NSD2: variants seen among roughly 807,000 people sequenced by gnomAD.
NSD2 encodes the protein histone-lysine N-methyltransferase NSD2.
A neutral mutation model predicts 139.0 loss-of-function variants in NSD2; 12 were observed. That is an observed-to-expected ratio of 0.09 (90% CI 0.06 to 0.14). The LOEUF (loss-of-function observed/expected upper bound fraction) is 0.14, where lower values mean the gene tolerates loss of function less well. Ranked by LOEUF, NSD2 falls within the 10% of genes least tolerant of loss-of-function variation. The pLI, the probability that NSD2 is intolerant of heterozygous loss-of-function variation, is 1.00. For synonymous variants in NSD2, 669 were observed against 648.7 expected, an observed-to-expected ratio of 1.03 and a Z score of -0.48; for missense variants, 1,155 against 1,745.0, an observed-to-expected ratio of 0.66 and a Z score of 6.02.
chr4:1,951,833 T>C (rs1368874951), intron 10 of NSD2, among the ~76,000 whole-genome samples: 1 of 152,250 alleles, frequency 6.6e-6, no homozygotes, highest in African/African-American at 2.4e-5. Flanking sequence ...TGATTTGAAA[T>C]ATCTTGGATG....
chr4:1,882,452 A>G (rs1286676188), intron 1 of NSD2, among the ~76,000 whole-genome samples: 1 of 152,166 alleles, frequency 6.6e-6, no homozygotes. Flanking sequence ...ACACGAGGTC[A>G]GAAGATCGAG....
At chr4:1,889,818 T>A (rs542338287) in intron 1 of NSD2, among the ~76,000 whole-genome samples, 3 of 152,294 alleles carry the variant, frequency 2.0e-5, no homozygotes, top group South Asian at 4.1e-4. Context: ...ACCTTTTTTT[T>A]TTTTAATTGA....
intron 1 of NSD2, among the ~76,000 whole-genome samples, chr4:1,893,442 C>T (rs1008932391): frequency 6.6e-6 from 1 of 152,146 alleles, no homozygotes; most frequent in African/African-American, 2.4e-5. Context: ...GGCACAGTTC[C>T]AGCCTGGGCG....
chr4:1,949,202 G>A (rs1473220887), intron 9 of NSD2, among the ~76,000 whole-genome samples: 1 of 152,226 alleles, frequency 6.6e-6, no homozygotes, highest in Non-Finnish European at 1.5e-5. Context: ...GGCCCTTTGT[G>A]GGTGTTAAAG....
rs1168443775 is a variant in NSD2 at position 1,955,905 on chromosome 4, T to C, written c.2675+56T>C. ...TCTTTTCTGTTCACATGTGTTCGCT[T>C]TACAGTACTTAAAGTATTGAAATTA... On this transcript the variant is annotated intron_variant, in intron 14 of 21. Transcript: ENST00000508803. This position sits in a 1 kb window ranked among gnomAD's most constrained non-coding sequence, Gnocchi z 4.7. The C allele has an allele frequency of 6.2e-7, 1 of 1,610,482 alleles. No individual in the cohort carries two copies. Among genetic ancestry groups the C allele is most frequent in the East Asian group, 2.2e-5 (1 of 44,852 alleles).
intron 21 of NSD2, among the ~76,000 whole-genome samples, chr4:1,978,106 G>T (rs1477202848): frequency 6.6e-6 from 1 of 151,956 alleles, no homozygotes; most frequent in Admixed American, 6.6e-5. Context: ...CAGCCTGGGC[G>T]ACAGAGCTAG....
chr4:1,940,917 G>A lies in NSD2; in HGVS notation c.1881+1139G>A, dbSNP rs968954074. 191 of 1,057,044 alleles carry A rather than the reference G, an allele frequency of 1.8e-4. 1 individual carries two copies. Among genetic ancestry groups the A allele is most frequent in the Non-Finnish European group, 2.1e-4 (181 of 874,466 alleles). The allele number at this position is 1,057,044 out of a possible 1,614,324, so 65.5% of individuals were successfully genotyped here. ...CTGAATCCTCAGCGACCACTCCTCC[G>A]AGTGGGATTTTCTGCAGGGACTCAA... On this transcript the variant is annotated intron_variant, in intron 9 of 21. Transcript: ENST00000508803.
At chr4:1,879,824 T>TTTGTG (rs1714571425) in intron 1 of NSD2, among the ~76,000 whole-genome samples, 1 of 144,066 alleles carries the variant, frequency 6.9e-6, no homozygotes, top group African/African-American at 2.6e-5. Flanking sequence ...CCCATGGCAC[T>TTTGTG]TGTGTGTGTG....
chr4:1,916,279 C>CT (rs1719382232), intron 3 of NSD2, among the ~76,000 whole-genome samples: 1 of 152,162 alleles, frequency 6.6e-6, no homozygotes. Context: ...TATTTGGTAT[C>CT]TTTTTAAGAG....
intron 5 of NSD2, among the ~76,000 whole-genome samples, chr4:1,925,727 C>T (rs1053668446): frequency 6.6e-6 from 1 of 151,598 alleles, no homozygotes; most frequent in Non-Finnish European, 1.5e-5. Context: ...TTCCTTTCTC[C>T]GTACTAGTGA....
At chr4:1,897,406 G>A (rs955631095) in intron 1 of NSD2, among the ~76,000 whole-genome samples, 1 of 151,902 alleles carries the variant, frequency 6.6e-6, no homozygotes, top group African/African-American at 2.4e-5. Flanking sequence ...GATTGCTTGA[G>A]CCCTGAAGGA....
chr4:1,944,179 TGG>T, intron 9 of NSD2: 1 of 1,066,122 alleles, frequency 9.4e-7, no homozygotes, highest in Non-Finnish European at 1.1e-6. Context: ...GTCCCATGTG[TGG>T]CAGCATTGTC....
rs1037312379 is a variant in NSD2, at chr4:1,981,474, T to C, written c.*2565T>C. The C allele has an allele frequency of 1.2e-5, 3 of 244,474 alleles. No homozygotes were observed. The highest frequency in any genetic ancestry group is 6.6e-5 in the African/African-American group (3 of 45,776). The allele number at this position is 244,474 out of a possible 1,614,324, so 15.1% of individuals were successfully genotyped here. On this transcript the variant is annotated 3_prime_UTR_variant, in exon 22 of 22. Transcript: ENST00000508803. ...AAGCAAAACACAAAAACCGCCCCAA[T>C]CCCTCAGGATTCCTTGGCATCCGAA...
chr4:1,948,972 T>C lies in NSD2; in HGVS notation c.1882-2100T>C, dbSNP rs1219389319. Reference sequence around the variant, plus strand: ...CCCCTGAGCCATGCAGAAGGCCCCTTTCTCTGGGCCTTGGTTCCCCCATCA... The same window carrying C: ...CCCCTGAGCCATGCAGAAGGCCCCTCTCTCTGGGCCTTGGTTCCCCCATCA... On this transcript the variant is annotated intron_variant, in intron 9 of 21. Transcript: ENST00000508803. The surrounding 1 kb of genome is among the most constrained non-coding windows in gnomAD (Gnocchi z 4.5). Among the ~76,000 whole-genome samples the C allele has an allele frequency of 6.6e-6, 1 of 152,194 alleles. No individual in the cohort carries two copies. Among genetic ancestry groups the C allele is most frequent in the Non-Finnish European group, 1.5e-5 (1 of 68,026 alleles).
At chr4:1,875,793 C>G (rs1268699079) in intron 1 of NSD2, among the ~76,000 whole-genome samples, 2 of 150,742 alleles carry the variant, frequency 1.3e-5, no homozygotes, top group Non-Finnish European at 2.9e-5. Flanking sequence ...CCTGTAGTCC[C>G]AGCTACTCGG....
chr4:1,966,252 C>T (rs1027254839), intron 18 of NSD2, among the ~76,000 whole-genome samples: 4 of 152,172 alleles, frequency 2.6e-5, no homozygotes, highest in African/African-American at 9.7e-5. Context: ...ACAGTCACTA[C>T]AAGTTGTATG....
chr4:1,935,204 C>A lies in NSD2; in HGVS notation c.1616C>A (p.Ala539Asp). 1 of 1,613,574 alleles carries A rather than the reference C, an allele frequency of 6.2e-7. No individual in the cohort carries two copies. Among genetic ancestry groups the A allele is most frequent in the Non-Finnish European group, 8.5e-7 (1 of 1,179,712 alleles). Residue 539 changes from alanine (A) to aspartate (D), a missense_variant, in exon 7 of 22, where the codon GCT becomes GAT. Ala to Asp is a moderately radical substitution (Grantham distance 126). Coordinates refer to ENST00000508803, the MANE Select transcript of NSD2 (RefSeq NM_001042424.3). ...TKRIQDPTED[A>D]EAEDTPRKRL... ...AGGATACAGGACCCTACAGAAGATG[C>A]TGAAGCTGAGGACACACCCAGGAAA...
chr4:1,904,389 C>T lies in NSD2; in HGVS notation c.760+11C>T. 6.3e-7 allele frequency: 1 copy of T among 1,591,718 alleles called. No individual in the cohort carries two copies. The highest frequency in any genetic ancestry group is 8.6e-7 in the Non-Finnish European group (1 of 1,167,490). On this transcript the variant is annotated intron_variant, in intron 3 of 21. Transcript: ENST00000508803. ...ATACCAAACTTAAAGGTATTGTGTT[C>T]TTTGGGTTGTTTTTCCAACTTTCTC... is the stretch of plus-strand genomic sequence containing the variant.
At chr4:1,927,289 T>C (rs959899602) in intron 5 of NSD2, among the ~76,000 whole-genome samples, 2 of 152,170 alleles carry the variant, frequency 1.3e-5, no homozygotes, top group African/African-American at 4.8e-5. Flanking sequence ...CACTATGTTA[T>C]TGACTACGCC....
Sources: gnomAD v4.1 joint callset for allele counts (sites outside exome capture counted in the v4.1 genomes callset) on GRCh38, gnomAD v4.1.1 for gene constraint, Gnocchi (gnomAD v3.1) non-coding constraint, MANE v1.5 for transcripts, NCBI Gene and HGNC (gene_info 2026-07-23, HGNC 2026-07-21) for gene names.